The following ERC2 variants were observed in gnomAD, a reference collection of about 807,000 sequenced individuals.
ERC2 encodes the protein ELKS/RAB6-interacting/CAST family member 2.
Under a neutral mutation model 114.8 loss-of-function variants are expected in ERC2, and 42 were observed. That is an observed-to-expected ratio of 0.37 (90% confidence interval 0.29 to 0.47). The LOEUF (loss-of-function observed/expected upper bound fraction) is 0.47. Ranked by LOEUF, ERC2 falls within the 20% of genes least tolerant of loss-of-function variation. The pLI is 0.99. For missense variants in ERC2, 939 were observed against 1,150.7 expected, an observed-to-expected ratio of 0.82 and a Z score of 2.66; for synonymous variants, 454 against 425.5, an observed-to-expected ratio of 1.07 and a Z score of -0.82.
At chr3:55,869,746 G>A (rs2062489890) in intron 14 of ERC2, among the ~76,000 whole-genome samples, 1 of 152,080 alleles carries the variant, frequency 6.6e-6, no homozygotes, top group African/African-American at 2.4e-5. Context: ...CGACTAGGCA[G>A]GGACCATGTC....
chr3:55,795,603 GA>G (rs749699760), intron 14 of ERC2, among the ~76,000 whole-genome samples: 2 of 152,062 alleles, frequency 1.3e-5, no homozygotes, highest in African/African-American at 2.4e-5. Flanking sequence ...TTTCACTCCC[GA>G]CAGGTCTCCA....
intron 3 of ERC2, among the ~76,000 whole-genome samples, chr3:56,295,214 G>A (rs760581688): frequency 1.3e-5 from 2 of 152,160 alleles, no homozygotes; most frequent in African/African-American, 2.4e-5. Context: ...TTTATTGCTT[G>A]TTATTTTCTG....
chr3:55,943,309 TA>T (rs1460956280), intron 13 of ERC2, among the ~76,000 whole-genome samples: 1 of 152,182 alleles, frequency 6.6e-6, no homozygotes, highest in African/African-American at 2.4e-5. Context: ...GCCTTCACCG[TA>T]TTTACTTTGA....
At chr3:56,317,652 T>C (rs1046472072) in intron 2 of ERC2, among the ~76,000 whole-genome samples, 1 of 152,224 alleles carries the variant, frequency 6.6e-6, no homozygotes, top group Non-Finnish European at 1.5e-5. Flanking sequence ...AAATATTTAT[T>C]GAACACCCCT....
At chr3:56,246,902 T>C (rs904901283) in intron 3 of ERC2, among the ~76,000 whole-genome samples, 2 of 152,248 alleles carry the variant, frequency 1.3e-5, no homozygotes, top group Non-Finnish European at 2.9e-5. Context: ...TGGCTCGGCA[T>C]GGATGGATCC....
chr3:55,816,047 T>C (rs747699156), intron 14 of ERC2, among the ~76,000 whole-genome samples: 10 of 152,346 alleles, frequency 6.6e-5, no homozygotes, highest in South Asian at 4.1e-4. Context: ...TCTGCAGCAC[T>C]CTAGCCTTTT....
At chr3:55,611,664 A>G (rs1046495704) in intron 17 of ERC2, among the ~76,000 whole-genome samples, 1 of 152,140 alleles carries the variant, frequency 6.6e-6, no homozygotes, top group African/African-American at 2.4e-5. Flanking sequence ...CGGCTATCCC[A>G]TGCTGTCCCC....
intron 2 of ERC2, among the ~76,000 whole-genome samples, chr3:56,385,140 A>G (rs1442622808): frequency 6.6e-6 from 1 of 152,164 alleles, no homozygotes; most frequent in Non-Finnish European, 1.5e-5. Flanking sequence ...AATACCATAA[A>G]CTAGGTAGAT....
chr3:56,014,709 T>C lies in ERC2; in HGVS notation c.1780-4120A>G, dbSNP rs568487693. On this transcript the variant is annotated intron_variant, in intron 8 of 17. Coordinates refer to ENST00000288221, the MANE Select transcript of ERC2 (RefSeq NM_015576.3). The stretch of plus-strand genomic sequence containing the variant: ...GGGTCCAGAAAAAAAAATAAAATCC[T>C]GCCAAGAATTCATGACATGAAAAAT... 7.9e-5 allele frequency among the ~76,000 whole-genome samples: 12 copies of C among 152,250 alleles called. No individual in the cohort carries two copies. The South Asian group carries it at 2.3e-3, about 29-fold the overall frequency.
intron 2 of ERC2, among the ~76,000 whole-genome samples, chr3:56,390,523 A>C (rs187113956): frequency 1.2e-4 from 18 of 152,286 alleles, no homozygotes; most frequent in African/African-American, 3.8e-4. Flanking sequence ...AGGATTCTAA[A>C]GCCAAAACTA....
chr3:55,938,824 T>C (rs2066607753), intron 13 of ERC2, among the ~76,000 whole-genome samples: 1 of 152,136 alleles, frequency 6.6e-6, no homozygotes, highest in South Asian at 2.1e-4. Context: ...CATATTGCCT[T>C]AGCAGAAAAA....
At chr3:56,424,006 AT>A (rs1489697435) in intron 2 of ERC2, among the ~76,000 whole-genome samples, 1 of 152,102 alleles carries the variant, frequency 6.6e-6, no homozygotes, top group African/African-American at 2.4e-5. Flanking sequence ...AGAAACTGAA[AT>A]TGTGTTCTGG....
chr3:56,159,159 C>T (rs752073524), intron 4 of ERC2, among the ~76,000 whole-genome samples: 37 of 152,154 alleles, frequency 2.4e-4, no homozygotes, highest in Non-Finnish European at 5.0e-4. Context: ...CAACTTCCAC[C>T]ATAATTGTAA....
chr3:55,851,705 C>T (rs1202158328), intron 14 of ERC2, among the ~76,000 whole-genome samples: 1 of 150,652 alleles, frequency 6.6e-6, no homozygotes, highest in Admixed American at 6.6e-5. Context: ...TTAAAAAATC[C>T]AAAAATCCCA....
intron 15 of ERC2, among the ~76,000 whole-genome samples, chr3:55,712,911 T>A (rs1306188027): frequency 6.6e-6 from 1 of 152,204 alleles, no homozygotes; most frequent in East Asian, 1.9e-4. Flanking sequence ...AAGGCTCCTT[T>A]GAGAGAATTC....
intron 2 of ERC2, among the ~76,000 whole-genome samples, chr3:56,331,259 C>A (rs186339168): frequency 5.9e-5 from 9 of 152,250 alleles, no homozygotes; most frequent in African/African-American, 9.6e-5. Flanking sequence ...TTGTCTAAGT[C>A]TTTGATCTGC....
chr3:55,888,492 C>A lies in ERC2; in HGVS notation c.2461G>T (p.Ala821Ser), dbSNP rs2063457506. 1 of 1,613,854 alleles carries A rather than the reference C, an allele frequency of 6.2e-7. No individual in the cohort carries two copies. The highest frequency in any genetic ancestry group is 1.3e-5 in the African/African-American group (1 of 75,008). ...KTRQELDATK[A>S]RLASTQQSLA... The stretch of plus-strand genomic sequence containing the variant: ...GACTGTTGTGTGGAGGCGAGGCGTG[C>A]TTTGGTGGCATCCAGTTCCTGTCTG... Residue 821 changes from alanine to serine, a missense_variant, in exon 14 of 18, where the codon GCA becomes TCA. Transcript: ENST00000288221.
chr3:56,444,546 A>G (rs2062473239), intron 1 of ERC2, among the ~76,000 whole-genome samples: 1 of 152,242 alleles, frequency 6.6e-6, no homozygotes, highest in African/African-American at 2.4e-5. Flanking sequence ...ATAGGAATTC[A>G]TAAATAAGAT....
chr3:56,076,181 A>G (rs1031923453), intron 7 of ERC2, among the ~76,000 whole-genome samples: 5 of 152,104 alleles, frequency 3.3e-5, no homozygotes, highest in Admixed American at 6.6e-5. Flanking sequence ...CTGTTTTTCT[A>G]CCTTTAATAA....
Sources: allele counts gnomAD v4.1 joint callset (sites outside exome capture counted in the v4.1 genomes callset), GRCh38; gene constraint gnomAD v4.1.1; transcripts MANE v1.5; gene names NCBI Gene and HGNC (gene_info 2026-07-23, HGNC 2026-07-21).